TTLL4: variants seen among roughly 807,000 people sequenced by gnomAD.
TTLL4 encodes tubulin monoglutamylase TTLL4.
TTLL4 carries 85 observed loss-of-function variants against 122.7 expected under a neutral mutation model. That is an observed-to-expected ratio of 0.69 (90% CI 0.58 to 0.83). TTLL4 has a LOEUF of 0.83. Ranked by LOEUF, TTLL4 falls within the 40% of genes least tolerant of loss-of-function variation. The pLI is 0.00. For synonymous variants in TTLL4, 553 were observed against 563.0 expected, an observed-to-expected ratio of 0.98 and a Z score of 0.25; for missense variants, 1,363 against 1,488.6, an observed-to-expected ratio of 0.92 and a Z score of 1.39.
downstream of TTLL4, among the ~76,000 whole-genome samples, chr2:218,758,066 TC>T (rs1291304507): frequency 6.6e-6 from 1 of 152,160 alleles, no homozygotes; most frequent in Non-Finnish European, 1.5e-5. Flanking sequence ...CTCATTAATA[TC>T]CGGGGATCTA....
At chr2:218,744,476 C>G (rs1013091486) in intron 5 of TTLL4, among the ~76,000 whole-genome samples, 1 of 152,192 alleles carries the variant, frequency 6.6e-6, no homozygotes, top group South Asian at 2.1e-4. Context: ...TGTCCCACAT[C>G]AGCCACATCT....
chr2:218,729,425 T>G (rs1942292624), intron 2 of TTLL4, among the ~76,000 whole-genome samples: 1 of 152,088 alleles, frequency 6.6e-6, no homozygotes, highest in South Asian at 2.1e-4. Flanking sequence ...CATACTTGAG[T>G]TCTGGGATTT....
At position 218,748,242 on chromosome 2, in the gene TTLL4, G is replaced by A. The variant is rs1348280200; in HGVS notation, c.2501+15G>A. 9 of 1,614,034 alleles carry A rather than the reference G, an allele frequency of 5.6e-6. No individual in the cohort carries two copies. Among genetic ancestry groups the A allele is most frequent in the Admixed American group, 1.7e-5 (1 of 60,012 alleles). ...GGCCACAAATGGTACTGAGGGCAGA[G>A]TGTCCCAGTCCAGTGAAGGCCTAGA... is the stretch of plus-strand genomic sequence containing the variant. On this transcript the variant is annotated intron_variant, in intron 12 of 19. Transcript: ENST00000392102.
chr2:218,740,129 A>G lies in TTLL4; in HGVS notation c.1559A>G (p.Glu520Gly). The G allele has an allele frequency of 6.2e-7, 1 of 1,614,192 alleles. No homozygotes were observed. The highest frequency in any genetic ancestry group is 1.1e-5 in the South Asian group (1 of 91,084). The change falls in exon 4 of 20, where the codon GAA becomes GGA. Residue 520 changes from glutamate to glycine, a missense_variant. Glu to Gly is a moderately conservative substitution (Grantham distance 98). Transcript: ENST00000392102. The stretch of plus-strand genomic sequence containing the variant: ...GAAGAAGAACTAGTAGATGGTTTGG[A>G]AGACTGTTGTAGCCGTGATGAGAAT... ...DTEEELVDGL[E>G]DCCSRDENEE...
rs1182380952 is a variant in TTLL4 at position 218,748,990 on chromosome 2, C to G, written c.2600+56C>G. The G allele has an allele frequency of 2.6e-6, 4 of 1,560,842 alleles. No individual in the cohort carries two copies. In the African/African-American group the frequency reaches 5.4e-5, roughly 21 times the overall value. ...CCTGCTGCTGACCCCCTCCTTTCTCCTGGGCCTCACACTGCTGTGCTCTGG... is the reference window on the plus strand; with the variant it reads ...CCTGCTGCTGACCCCCTCCTTTCTCGTGGGCCTCACACTGCTGTGCTCTGG... On this transcript the variant is annotated intron_variant, in intron 13 of 19. Coordinates refer to ENST00000392102, the MANE Select transcript of TTLL4 (RefSeq NM_014640.5).
At chr2:218,723,952 A>G (rs1236345779) in intron 1 of TTLL4, among the ~76,000 whole-genome samples, 2 of 152,210 alleles carry the variant, frequency 1.3e-5, no homozygotes, top group Non-Finnish European at 2.9e-5. Flanking sequence ...AGTTTATAGT[A>G]TTATCAATGC....
chr2:218,747,863 C>A lies in TTLL4; in HGVS notation c.2378+138C>A. On this transcript the variant is annotated intron_variant, in intron 11 of 19. Coordinates refer to ENST00000392102, the MANE Select transcript of TTLL4 (RefSeq NM_014640.5). The surrounding 1 kb of genome is among the most constrained non-coding windows in gnomAD (Gnocchi z 4.7). ...AGGCAGGAAATGGGAAATATGGAGGCTCTCTACTTCGTTAAATCTGGGGAG... is the reference window on the plus strand; with the variant it reads ...AGGCAGGAAATGGGAAATATGGAGGATCTCTACTTCGTTAAATCTGGGGAG... 7.6e-7 allele frequency: 1 copy of A among 1,315,564 alleles called. No individual in the cohort carries two copies. The highest frequency in any genetic ancestry group is 1.0e-6 in the Non-Finnish European group (1 of 957,370). 81.5% of individuals were successfully genotyped at this position (1,315,564 alleles called of 1,614,324 possible).
At chr2:218,753,317 C>A in intron 18 of TTLL4, 132 bp downstream of exon 18, 1 of 1,058,590 alleles carries the variant, frequency 9.4e-7, no homozygotes, top group Admixed American at 1.8e-5. Context: ...TCTGTCTCAC[C>A]ATTCTTTCCT....
At chr2:218,755,882 G>A (rs906826826), downstream of TTLL4, among the ~76,000 whole-genome samples, 2 of 152,160 alleles carry the variant, frequency 1.3e-5, no homozygotes, top group African/African-American at 2.4e-5. Context: ...TGGGTTCAAG[G>A]CCACAGAGTA....
intron 1 of TTLL4, among the ~76,000 whole-genome samples, chr2:218,723,011 T>C (rs1193975596): frequency 1.3e-5 from 2 of 152,196 alleles, no homozygotes; most frequent in Admixed American, 6.5e-5. Context: ...GTCTTCTTTG[T>C]GCAATTACAG....
chr2:218,745,028 A>G, intron 5 of TTLL4, 81 bp from the exon 6 acceptor site: 4 of 1,546,044 alleles, frequency 2.6e-6, no homozygotes, highest in Non-Finnish European at 3.5e-6. Flanking sequence ...GCACTTGGAA[A>G]TAAATCGTAC....
chr2:218,743,005 G>A (rs1021491834), intron 5 of TTLL4, among the ~76,000 whole-genome samples: 26 of 152,062 alleles, frequency 1.7e-4, no homozygotes, highest in Admixed American at 6.6e-5. Flanking sequence ...TTAGCTGGGC[G>A]TGATGGTGGG....
chr2:218,746,388 G>A (rs1282033511), intron 8 of TTLL4, 157 bp downstream of exon 8: 1 of 709,628 alleles, frequency 1.4e-6, no homozygotes, highest in Admixed American at 2.5e-5. Flanking sequence ...GGGGTACAGT[G>A]AGAGACTCCA....
In TTLL4 at chr2:218,722,754, C is replaced by T. The variant is rs568846625; in HGVS notation, c.-177-4515C>T. 1.1e-4 allele frequency among the ~76,000 whole-genome samples: 16 copies of T among 152,288 alleles called. No homozygotes were observed. The South Asian group carries it at 3.3e-3, about 32-fold the overall frequency. ...TCTGGAAAATAGATGATATAGAAGC[C>T]AGTAAATCAGCAGTTGAGAGATGAT... On this transcript the variant is annotated intron_variant, in intron 1 of 19. Coordinates refer to ENST00000392102, the MANE Select transcript of TTLL4 (RefSeq NM_014640.5).
downstream of TTLL4, among the ~76,000 whole-genome samples, chr2:218,757,118 C>T (rs1280178461): frequency 2.0e-5 from 3 of 152,142 alleles, no homozygotes; most frequent in Non-Finnish European, 4.4e-5. Context: ...AGTGAAAGTA[C>T]GTAGGACATA....
chr2:218,740,513 T>G lies in TTLL4; in HGVS notation c.1598-8T>G. On this transcript the variant is annotated splice_polypyrimidine_tract_variant and splice_region_variant and intron_variant, in intron 4 of 19. Transcript: ENST00000392102. ...TAGTCAGAATTTCTCTGTTCTTCCT[T>G]CCTCTAGGAGACTCAGAGTGCTCCT... The G allele has an allele frequency of 6.2e-7, 1 of 1,614,068 alleles. No individual in the cohort carries two copies. Among genetic ancestry groups the G allele is most frequent in the Non-Finnish European group, 8.5e-7 (1 of 1,179,956 alleles).
rs574336860 is a variant in TTLL4 at position 218,752,399 on chromosome 2, C to T, written c.2977-364C>T. ...TTCTCTGAGAGGCACAGTGAGAGAC[C>T]CCAGGAAGCTGACTTTCTCAGAGCA... is the stretch of plus-strand genomic sequence containing the variant. On this transcript the variant is annotated intron_variant, in intron 16 of 19. Transcript: ENST00000392102. 1.8e-4 allele frequency among the ~76,000 whole-genome samples: 27 copies of T among 152,230 alleles called. 1 individual carries two copies. In the South Asian group the frequency reaches 5.0e-3, roughly 28 times the overall value.
intron 2 of TTLL4, among the ~76,000 whole-genome samples, chr2:218,734,717 A>G (rs1942469234): frequency 6.6e-6 from 1 of 152,130 alleles, no homozygotes; most frequent in Non-Finnish European, 1.5e-5. Context: ...CCACTTTGGT[A>G]TGTCTGTTGT....
At chr2:218,751,828 C>G (rs767633807) in intron 16 of TTLL4, 22 bp downstream of exon 16, 6 of 1,589,434 alleles carry the variant, frequency 3.8e-6, no homozygotes, top group South Asian at 1.1e-5. Flanking sequence ...GTCTTCCCCC[C>G]AGTGCTAGCA....
Sources: allele counts gnomAD v4.1 joint callset (sites outside exome capture counted in the v4.1 genomes callset), GRCh38; gene constraint gnomAD v4.1.1; non-coding constraint Gnocchi (gnomAD v3.1); transcripts MANE v1.5; gene names NCBI Gene and HGNC (gene_info 2026-07-23, HGNC 2026-07-21).